The following SECISBP2L variants were observed in gnomAD, a reference collection of about 807,000 sequenced individuals.
The protein encoded by SECISBP2L is selenocysteine insertion sequence-binding protein 2-like.
SECISBP2L carries 43 observed loss-of-function variants against 114.7 expected under a neutral mutation model. The ratio of observed to expected loss-of-function variants is 0.38; its 90% CI spans 0.29 to 0.48. SECISBP2L has a LOEUF of 0.48. Ranked by LOEUF, SECISBP2L falls within the 20% of genes least tolerant of loss-of-function variation. The probability of loss-of-function intolerance (pLI) is 0.98; values close to 1 mark genes in which losing one functional copy is unlikely to be tolerated. For missense variants in SECISBP2L, 1,136 were observed against 1,301.1 expected (o/e 0.87, Z 1.95); for synonymous variants, 451 against 439.7 (o/e 1.03, Z -0.32).
At chr15:48,994,876 A>G (rs972680575) in intron 17 of SECISBP2L, among the ~76,000 whole-genome samples, 27 of 150,720 alleles carry the variant, frequency 1.8e-4, no homozygotes, top group African/African-American at 5.6e-4. Flanking sequence ...AGTAAGTGAA[A>G]ATTTTCCCAC....
rs149366275 is a variant in SECISBP2L at position 49,037,668 on chromosome 15, A to G, written c.126T>C (p.Val42=). ...GAATTGGAGTTGGTTCCACACCAGA[A>G]ACACTTCCATTATCATTTGGGAGAG... ...PMALPNDNGS[V]SGVEPTPIPS... is the part of the protein sequence containing the mutation. Residue 42 remains valine, a synonymous_variant, in exon 2 of 18, where the codon GTT becomes GTC. Transcript: ENST00000559471. The G allele has an allele frequency of 2.1e-5, 34 of 1,613,820 alleles. No homozygotes were observed. Among genetic ancestry groups the G allele is most frequent in the Non-Finnish European group, 2.7e-5 (32 of 1,179,894 alleles).
At position 48,991,020 on chromosome 15, in the gene SECISBP2L, T is replaced by C. The variant is rs555109679; in HGVS notation, c.*1224A>G. The C allele has an allele frequency of 9.8e-5, 15 of 152,360 alleles. No individual in the cohort carries two copies. Among genetic ancestry groups the C allele is most frequent in the African/African-American group, 3.6e-4 (15 of 41,580 alleles). The allele number at this position is 152,360 out of a possible 1,614,324, so 9.4% of individuals were successfully genotyped here. A position where few individuals can be genotyped will look rare whatever the true frequency, so the allele number is the denominator to read the frequency against. On this transcript the variant is annotated 3_prime_UTR_variant, in exon 18 of 18. Coordinates refer to ENST00000559471, the MANE Select transcript of SECISBP2L (RefSeq NM_001193489.2). ...TCATTTATTGTCTCCTAAGCAGGTA[T>C]ACAAACTCCTAGAGAAGGGCAGAGA...
intron 3 of SECISBP2L, among the ~76,000 whole-genome samples, chr15:49,034,625 A>G (rs953609087): frequency 6.6e-6 from 1 of 151,102 alleles, no homozygotes; most frequent in Non-Finnish European, 1.5e-5. Context: ...GTTCTTTTCC[A>G]TAATGTCTCC....
intron 15 of SECISBP2L, 149 bp from the exon 16 acceptor site, chr15:49,000,136 T>G (rs1164454479): frequency 5.8e-6 from 4 of 693,450 alleles, no homozygotes; most frequent in Non-Finnish European, 9.1e-6. Context: ...CTATTTAATT[T>G]TATACAATAT....
At chr15:49,040,704 T>A (rs1903110738) in intron 1 of SECISBP2L, among the ~76,000 whole-genome samples, 1 of 150,286 alleles carries the variant, frequency 6.7e-6, no homozygotes, top group Admixed American at 6.6e-5. Context: ...CCCGGCTAAT[T>A]TTTTTTTGAA....
chr15:49,024,731 T>C (rs1902707124), intron 7 of SECISBP2L, among the ~76,000 whole-genome samples: 1 of 152,046 alleles, frequency 6.6e-6, no homozygotes, highest in Non-Finnish European at 1.5e-5. Flanking sequence ...CAATCAGAAA[T>C]TGCAAATAGG....
intron 1 of SECISBP2L, among the ~76,000 whole-genome samples, chr15:49,043,608 G>T (rs1369645410): frequency 4.2e-5 from 6 of 143,812 alleles, no homozygotes; most frequent in Non-Finnish European, 6.0e-5. Flanking sequence ...CAAAATGCAA[G>T]TTTTTTTTTT....
At chr15:49,020,109 G>A (rs1902611459) in intron 7 of SECISBP2L, among the ~76,000 whole-genome samples, 1 of 152,184 alleles carries the variant, frequency 6.6e-6, no homozygotes, top group Non-Finnish European at 1.5e-5. Flanking sequence ...TGTGATGATG[G>A]ATCTGTTCTG....
At position 49,016,843 on chromosome 15, in the gene SECISBP2L, T is replaced by C. The variant is rs769276751; in HGVS notation, c.1419+5A>G. 3.1e-6 allele frequency: 5 copies of C among 1,610,506 alleles called. No homozygotes were observed. In the South Asian group the frequency reaches 3.3e-5, roughly 11 times the overall value. ...TCACATTTGTTCATAAAAATGAATA[T>C]GTACCTGTAATTTTTTTTGCTCCAT... On this transcript the variant is annotated splice_donor_5th_base_variant and intron_variant, in intron 10 of 17. Coordinates refer to ENST00000559471, the MANE Select transcript of SECISBP2L (RefSeq NM_001193489.2).
chr15:48,993,033 T>C, intron 17 of SECISBP2L, 107 bp from the exon 18 acceptor site: 3 of 1,022,450 alleles, frequency 2.9e-6, no homozygotes, highest in Non-Finnish European at 4.3e-6. Context: ...ATAAATTTGT[T>C]GGCTTAGAAA....
chr15:49,001,872 T>C (rs1902217492), intron 14 of SECISBP2L: 1 of 152,256 alleles, frequency 6.6e-6, no homozygotes, highest in Admixed American at 6.5e-5. Flanking sequence ...TTGATGAGCA[T>C]TTGGGTTGGT....
In SECISBP2L at chr15:49,035,600, C is replaced by T; in HGVS notation, c.262G>A (p.Gly88Arg). The T allele has an allele frequency of 1.2e-6, 2 of 1,614,094 alleles. No homozygotes were observed. The highest frequency in any genetic ancestry group is 1.7e-6 in the Non-Finnish European group (2 of 1,180,022). The change falls in exon 3 of 18, where the codon GGA becomes AGA. Residue 88 changes from glycine (G) to arginine (R), a missense_variant. Physicochemically the swap from Gly to Arg is moderately radical, Grantham distance 125. Coordinates refer to ENST00000559471, the MANE Select transcript of SECISBP2L (RefSeq NM_001193489.2). ...ATAATGGGATAGGCAAAGTATGGTC[C>T]AGTAGGGTTTGGATTGGGTTGTTGC... ...RWQQPNPNPTGPYFAYPIISA... is the reference protein window; with the variant it reads ...RWQQPNPNPTRPYFAYPIISA...
chr15:48,996,048 CT>C (rs1408211194), intron 17 of SECISBP2L: 2 of 249,316 alleles, frequency 8.0e-6, no homozygotes, highest in African/African-American at 2.3e-5. Flanking sequence ...ATTTTAGTAA[CT>C]GAGCATAAAG....
At chr15:49,011,400 A>G (rs1902434228) in intron 13 of SECISBP2L, 1 of 201,414 alleles carries the variant, frequency 5.0e-6, no homozygotes. Context: ...AGCCAACAGT[A>G]TTTTGGACGT....
intron 14 of SECISBP2L, among the ~76,000 whole-genome samples, chr15:49,003,992 T>C (rs1041943298): frequency 2.0e-5 from 3 of 152,220 alleles, no homozygotes; most frequent in Non-Finnish European, 2.9e-5. Flanking sequence ...TTCTATTGTT[T>C]GGAATAGTTT....
chr15:49,012,561 G>A (rs1902457022), intron 12 of SECISBP2L, 87 bp downstream of exon 12: 1 of 1,364,792 alleles, frequency 7.3e-7, no homozygotes, highest in Non-Finnish European at 1.0e-6. Context: ...CAATCTGTTG[G>A]CTAAGACACC....
In SECISBP2L at chr15:49,000,022, G is replaced by A. The variant is rs145834480; in HGVS notation, c.2249-35C>T. On this transcript the variant is annotated intron_variant, in intron 15 of 17. Transcript: ENST00000559471. ...TCAACACATGCAGACGCCTTTAGTTGTTGCCTACATGGAGCTAATTGCACA... is the reference window on the plus strand; with the variant it reads ...TCAACACATGCAGACGCCTTTAGTTATTGCCTACATGGAGCTAATTGCACA... 4.6e-4 allele frequency: 733 copies of A among 1,607,942 alleles called. 5 individuals carry two copies. In the African/African-American group the frequency reaches 8.7e-3, roughly 19 times the overall value.
chr15:48,996,953 A>G (rs188235765), intron 16 of SECISBP2L, among the ~76,000 whole-genome samples: 49 of 152,320 alleles, frequency 3.2e-4, no homozygotes, highest in African/African-American at 7.7e-4. Context: ...GTGGCTAGAA[A>G]AAGATGGTAA....
chr15:49,037,628 T>C lies in SECISBP2L; in HGVS notation c.166A>G (p.Thr56Ala). ...TTTTCCTGCACAAATGGGTAACAAG[T>C]AATCAGGTAGCTGGGAATTGGAGTT... ...EPTPIPSYLI[T>A]CYPFVQENQS... The change falls in exon 2 of 18, where the codon ACT (threonine) becomes GCT (alanine). Residue 56 changes from threonine to alanine, a missense_variant. Around this residue, in one of 2 missense-constraint regions of SECISBP2L, gnomAD observed 452 missense variants for 452.3 expected, o/e 1.00. Transcript: ENST00000559471. The C allele has an allele frequency of 6.2e-7, 1 of 1,613,770 alleles. No individual in the cohort carries two copies. The highest frequency in any genetic ancestry group is 1.1e-5 in the South Asian group (1 of 90,906).
Sources: allele counts gnomAD v4.1 joint callset (sites outside exome capture counted in the v4.1 genomes callset), GRCh38; gene constraint gnomAD v4.1.1; regional missense constraint gnomAD v4.1.1; transcripts MANE v1.5; gene names NCBI Gene and HGNC (gene_info 2026-07-23, HGNC 2026-07-21).